The following ATP11C variants were observed in gnomAD, a reference collection of about 807,000 sequenced individuals.
ATP11C encodes the protein ATPase phospholipid transporting 11C (ATP11C blood group).
ATP11C carries 36 observed loss-of-function variants against 97.4 expected under a neutral mutation model. That is an observed-to-expected ratio of 0.37 (90% CI 0.28 to 0.49). The LOEUF (loss-of-function observed/expected upper bound fraction) is 0.49, where lower values mean the gene tolerates loss of function less well. ATP11C is among the 20% of genes least tolerant of loss of function. The probability of loss-of-function intolerance (pLI) is 0.98; values close to 1 mark genes in which losing one functional copy is unlikely to be tolerated. For synonymous variants in ATP11C, 275 were observed against 290.9 expected, an observed-to-expected ratio of 0.95 and a Z score of 0.56; for missense variants, 730 against 824.6, an observed-to-expected ratio of 0.89 and a Z score of 1.40.
At chrX:139,819,546 TTGAAAC>T (rs1463598710) in intron 2 of ATP11C, 119 bp from the exon 3 acceptor site, 2 of 314,386 alleles carry the variant, frequency 6.4e-6, no homozygotes, top group Non-Finnish European at 1.1e-5. Context: ...GTCCAACACT[TTGAAAC>T]TGAAATCTCA....
At chrX:139,739,549 T>C (rs997613784) in intron 27 of ATP11C, among the ~76,000 whole-genome samples, 2 of 111,231 alleles carry the variant, frequency 1.8e-5, no homozygotes, top group Non-Finnish European at 3.8e-5. Flanking sequence ...ATGCAGTGGC[T>C]CAACTCTACT....
chrX:139,791,573 A>T (rs774788121), intron 12 of ATP11C, among the ~76,000 whole-genome samples: 21 of 111,883 alleles, frequency 1.9e-4, no homozygotes, highest in African/African-American at 6.5e-4. Context: ...CTCTATCACC[A>T]GAGTTTCTGA....
At chrX:139,880,543 C>T (rs955846760) in intron 1 of ATP11C, among the ~76,000 whole-genome samples, 2 of 110,544 alleles carry the variant, frequency 1.8e-5, no homozygotes, top group African/African-American at 6.6e-5. Flanking sequence ...ACTTGGAAAA[C>T]AAAGGAGGAA....
intron 27 of ATP11C, among the ~76,000 whole-genome samples, chrX:139,739,878 C>G (rs1385093424): frequency 1.8e-5 from 2 of 111,769 alleles, no homozygotes; most frequent in Non-Finnish European, 3.8e-5. Flanking sequence ...ATAGAGACTT[C>G]TTCCAGCTTC....
chrX:139,860,472 G>A (rs2084169341), intron 1 of ATP11C, among the ~76,000 whole-genome samples: 1 of 111,996 alleles, frequency 8.9e-6, no homozygotes, highest in Non-Finnish European at 1.9e-5. Flanking sequence ...CTGTTTCTGG[G>A]TCTCATATAT....
At chrX:139,841,744 T>C (rs1388221236) in intron 1 of ATP11C, among the ~76,000 whole-genome samples, 4 of 112,250 alleles carry the variant, frequency 3.6e-5, no homozygotes, top group Non-Finnish European at 7.5e-5. Context: ...TCTGGTACCT[T>C]GGGATGGAAA....
At chrX:139,920,466 T>A (rs1313730628) in intron 1 of ATP11C, among the ~76,000 whole-genome samples, 2 of 111,659 alleles carry the variant, frequency 1.8e-5, no homozygotes, top group African/African-American at 3.3e-5. Context: ...ACACATATTG[T>A]ATGATTCCAC....
chrX:139,746,224 T>C (rs2081683166), intron 24 of ATP11C, among the ~76,000 whole-genome samples: 1 of 111,899 alleles, frequency 8.9e-6, no homozygotes, highest in African/African-American at 3.3e-5. Flanking sequence ...CACTCACATT[T>C]GCTAATAATA....
intron 1 of ATP11C, among the ~76,000 whole-genome samples, chrX:139,845,575 T>C (rs774628745): frequency 8.9e-6 from 1 of 111,798 alleles, no homozygotes; most frequent in East Asian, 2.8e-4. Context: ...ATAAACTACA[T>C]TAATTAGAGC....
intron 1 of ATP11C, among the ~76,000 whole-genome samples, chrX:139,895,034 C>A (rs1418013140): frequency 9.0e-6 from 1 of 111,682 alleles, no homozygotes; most frequent in Non-Finnish European, 1.9e-5. Flanking sequence ...CCAGCCTGGA[C>A]AAAAAGGGCA....
At chrX:139,895,195 G>C (rs1409623035) in intron 1 of ATP11C, among the ~76,000 whole-genome samples, 1 of 112,607 alleles carries the variant, frequency 8.9e-6, no homozygotes, top group Non-Finnish European at 1.9e-5. Context: ...CAAATTCAGG[G>C]AGTTCCCCTA....
chrX:139,769,317 T>TATATATATATAG (rs1317181023), intron 19 of ATP11C, among the ~76,000 whole-genome samples: 1 of 80,347 alleles, frequency 1.2e-5, no homozygotes, highest in Non-Finnish European at 2.3e-5. Context: ...TATATATATA[T>TATATATATATAG]ATATATATAT....
intron 1 of ATP11C, among the ~76,000 whole-genome samples, chrX:139,909,608 T>C (rs924481216): frequency 4.5e-5 from 5 of 110,959 alleles, no homozygotes; most frequent in African/African-American, 9.8e-5. Flanking sequence ...CTGAAAAACA[T>C]TGGTGGACGG....
intron 1 of ATP11C, among the ~76,000 whole-genome samples, chrX:139,852,049 T>C (rs1251764556): frequency 4.5e-5 from 5 of 109,929 alleles, no homozygotes; most frequent in Non-Finnish European, 9.5e-5. Context: ...GTCATGTGCC[T>C]ATAGTCCCAG....
intron 23 of ATP11C, among the ~76,000 whole-genome samples, chrX:139,752,432 G>A (rs769122756): frequency 3.5e-4 from 39 of 111,643 alleles, no homozygotes; most frequent in Non-Finnish European, 4.7e-4. Context: ...GTTGAGCAAC[G>A]GAAGGAGCCA....
chrX:139,802,282 G>A lies in ATP11C; in HGVS notation c.613C>T (p.Leu205Phe), dbSNP rs2082942041. ...ALCTAESIDT[L>F]RAAIECEQPQ... ...TGTTCACATTCAATTGCTGCTCGGA[G>A]GGTATCGATGGATTCTGCTGTACAC... The change falls in exon 7 of 30, where the codon CTC (leucine) becomes TTC (phenylalanine). Residue 205 changes from leucine (L) to phenylalanine (F), a missense_variant. By Grantham distance (22) the Leu-to-Phe change is conservative. Coordinates refer to ENST00000682941, the MANE Select transcript of ATP11C (RefSeq NM_001353812.2). 4 of 1,206,780 alleles carry A rather than the reference G, an allele frequency of 3.3e-6. No individual in the cohort carries two copies. The highest frequency in any genetic ancestry group is 4.5e-6 in the Non-Finnish European group (4 of 892,234).
intron 1 of ATP11C, among the ~76,000 whole-genome samples, chrX:139,856,232 T>C (rs913771107): frequency 8.9e-6 from 1 of 112,012 alleles, no homozygotes; most frequent in Non-Finnish European, 1.9e-5. Context: ...CAGCCTAGAG[T>C]AATAAGTCGT....
At chrX:139,921,971 G>C (rs924086255) in intron 1 of ATP11C, among the ~76,000 whole-genome samples, 1 of 109,209 alleles carries the variant, frequency 9.2e-6, no homozygotes, top group Non-Finnish European at 1.9e-5. Context: ...TTGGGAGGCT[G>C]AGTCAGGTGG....
At chrX:139,902,375 T>A (rs1000299810) in intron 1 of ATP11C, among the ~76,000 whole-genome samples, 4 of 111,478 alleles carry the variant, frequency 3.6e-5, no homozygotes, top group African/African-American at 1.3e-4. Flanking sequence ...CTAAATTAAC[T>A]GGACCTATCT....
Sources: gnomAD v4.1 joint callset for allele counts (sites outside exome capture counted in the v4.1 genomes callset) on GRCh38, gnomAD v4.1.1 for gene constraint, MANE v1.5 for transcripts, NCBI Gene and HGNC (gene_info 2026-07-23, HGNC 2026-07-21) for gene names.